KCNH7: variants seen among roughly 807,000 people sequenced by gnomAD.
KCNH7 encodes the protein potassium voltage-gated channel subfamily H member 7.
KCNH7 carries 49 observed loss-of-function variants against 120.8 expected under a neutral mutation model. That is an observed-to-expected ratio of 0.41 (90% CI 0.32 to 0.51). KCNH7 has a LOEUF of 0.51. Among genes scored for constraint, KCNH7 ranks in the 20% least tolerant of loss-of-function variants. The pLI, the probability that KCNH7 is intolerant of heterozygous loss-of-function variation, is 0.38. For synonymous variants in KCNH7, 547 were observed against 516.1 expected (o/e 1.06, Z -0.81); for missense variants, 1,097 against 1,446.6 (o/e 0.76, Z 3.92).
intron 2 of KCNH7, among the ~76,000 whole-genome samples, chr2:162,648,723 T>G (rs1684462955): frequency 6.6e-6 from 1 of 152,184 alleles, no homozygotes; most frequent in South Asian, 2.1e-4. Flanking sequence ...TGATTTTGTC[T>G]CTTGGCCTAT....
At position 162,566,342 on chromosome 2, in the gene KCNH7, T is replaced by A. The variant is rs536342874; in HGVS notation, c.308-29262A>T. On this transcript the variant is annotated intron_variant, in intron 2 of 15. Coordinates refer to ENST00000332142, the MANE Select transcript of KCNH7 (RefSeq NM_033272.4). ...AATCCAATATTATTTGGGGATAGCATAATATTTTGGGACTCGCAAGTGTTC... is the reference window on the plus strand; with the variant it reads ...AATCCAATATTATTTGGGGATAGCAAAATATTTTGGGACTCGCAAGTGTTC... 1.3e-3 allele frequency among the ~76,000 whole-genome samples: 192 copies of A among 152,156 alleles called. 1 individual carries two copies. Among genetic ancestry groups the A allele is most frequent in the African/African-American group, 4.5e-3 (187 of 41,550 alleles).
intron 5 of KCNH7, among the ~76,000 whole-genome samples, chr2:162,507,021 C>A (rs182519727): frequency 6.6e-6 from 1 of 151,940 alleles, no homozygotes; most frequent in African/African-American, 2.4e-5. Flanking sequence ...ATATAAACAC[C>A]ACAATGTGCT....
At chr2:162,535,650 A>G (rs1692078434) in intron 3 of KCNH7, among the ~76,000 whole-genome samples, 1 of 151,830 alleles carries the variant, frequency 6.6e-6, no homozygotes, top group Non-Finnish European at 1.5e-5. Flanking sequence ...TGAATCCAAT[A>G]AAAATATTAA....
chr2:162,544,852 T>C (rs1692424815), intron 2 of KCNH7, among the ~76,000 whole-genome samples: 1 of 152,178 alleles, frequency 6.6e-6, no homozygotes, highest in Non-Finnish European at 1.5e-5. Flanking sequence ...ATGACCGTTT[T>C]CCTTCTACCC....
At chr2:162,662,143 G>T (rs147873391) in intron 2 of KCNH7, among the ~76,000 whole-genome samples, 4,051 of 152,048 alleles carry the variant, frequency 0.027, 282 homozygotes, top group Admixed American at 0.17. Flanking sequence ...CGCACCTATT[G>T]TCCCAGCTAC....
At chr2:162,567,126 A>G (rs74637521) in intron 2 of KCNH7, among the ~76,000 whole-genome samples, 6,649 of 152,070 alleles carry the variant, frequency 0.044, 287 homozygotes, top group East Asian at 0.11. Context: ...TGGAATAAAT[A>G]TGAATATGGT....
chr2:162,755,629 T>C (rs1422930769), intron 2 of KCNH7, among the ~76,000 whole-genome samples: 2 of 152,198 alleles, frequency 1.3e-5, no homozygotes, highest in African/African-American at 4.8e-5. Flanking sequence ...TCACATTGAA[T>C]AGCTCTTAGC....
At chr2:162,787,653 G>T (rs558548589) in intron 2 of KCNH7, among the ~76,000 whole-genome samples, 1 of 152,200 alleles carries the variant, frequency 6.6e-6, no homozygotes. Context: ...CATGGATCAA[G>T]GCAGCAGGCC....
chr2:162,679,051 T>C (rs565417959), intron 2 of KCNH7, among the ~76,000 whole-genome samples: 1 of 151,718 alleles, frequency 6.6e-6, no homozygotes, highest in Non-Finnish European at 1.5e-5. Flanking sequence ...AAATTTGAAA[T>C]AACAGGTCAC....
chr2:162,673,106 A>C (rs1685416449), intron 2 of KCNH7, among the ~76,000 whole-genome samples: 1 of 152,036 alleles, frequency 6.6e-6, no homozygotes, highest in African/African-American at 2.4e-5. Flanking sequence ...CAAACTTTAA[A>C]ATAGCTGATA....
intron 1 of KCNH7, 28 bp downstream of exon 1, chr2:162,838,415 G>A (rs367939176): frequency 1.3e-6 from 2 of 1,586,114 alleles, no homozygotes; most frequent in South Asian, 1.1e-5. Flanking sequence ...AGAAAGCGAG[G>A]GCGAGAGAAG....
At chr2:162,821,763 T>C (rs995553520) in intron 2 of KCNH7, among the ~76,000 whole-genome samples, 1 of 152,186 alleles carries the variant, frequency 6.6e-6, no homozygotes, top group Non-Finnish European at 1.5e-5. Flanking sequence ...CATACTTTCT[T>C]CAAAAGATAG....
intron 9 of KCNH7, among the ~76,000 whole-genome samples, chr2:162,404,156 G>A (rs904092396): frequency 3.9e-5 from 6 of 151,966 alleles, no homozygotes; most frequent in East Asian, 2.0e-4. Context: ...ATGTCAGGAC[G>A]CATGCTGATT....
At chr2:162,639,182 G>A (rs539517885) in intron 2 of KCNH7, among the ~76,000 whole-genome samples, 1 of 152,044 alleles carries the variant, frequency 6.6e-6, no homozygotes, top group Non-Finnish European at 1.5e-5. Flanking sequence ...TCTTACAGGA[G>A]AATCTTTCAT....
At chr2:162,817,250 C>T (rs190226053) in intron 2 of KCNH7, among the ~76,000 whole-genome samples, 1 of 152,152 alleles carries the variant, frequency 6.6e-6, no homozygotes, top group South Asian at 2.1e-4. Context: ...GAGGCAACTA[C>T]TGTTTTGATT....
intron 2 of KCNH7, among the ~76,000 whole-genome samples, chr2:162,751,939 T>A (rs1688566078): frequency 6.6e-6 from 1 of 152,036 alleles, no homozygotes; most frequent in Non-Finnish European, 1.5e-5. Flanking sequence ...AAAAATAATA[T>A]TTTTAACACT....
chr2:162,713,448 T>TA (rs1323331263), intron 2 of KCNH7, among the ~76,000 whole-genome samples: 2 of 152,042 alleles, frequency 1.3e-5, no homozygotes, highest in South Asian at 2.1e-4. Flanking sequence ...TTAAGAAAGA[T>TA]AAAAAATGAG....
At chr2:162,621,250 A>ATTTTTTT (rs1559048811) in intron 2 of KCNH7, among the ~76,000 whole-genome samples, 21 of 34,306 alleles carry the variant, frequency 6.1e-4, no homozygotes, top group Admixed American at 1.9e-3. Flanking sequence ...GGGTATCATC[A>ATTTTTTT]TCTTTTTTTT....
intron 4 of KCNH7, among the ~76,000 whole-genome samples, chr2:162,513,153 C>T (rs1471252427): frequency 1.7e-5 from 1 of 59,432 alleles, no homozygotes; most frequent in Admixed American, 1.6e-4. Context: ...TCCTTCCTTC[C>T]TCCCTCCCTC....
Sources: gnomAD v4.1 joint callset for allele counts (sites outside exome capture counted in the v4.1 genomes callset) on GRCh38, gnomAD v4.1.1 for gene constraint, MANE v1.5 for transcripts, NCBI Gene and HGNC (gene_info 2026-07-23, HGNC 2026-07-21) for gene names.